Variants in GOLM2 observed in about 807,000 individuals in gnomAD.
GOLM2 encodes the protein protein GOLM2.
A neutral mutation model predicts 55.9 loss-of-function variants in GOLM2; 26 were observed. The observed-to-expected ratio is 0.47, with a 90% CI of 0.34 to 0.65. The LOEUF (loss-of-function observed/expected upper bound fraction) is 0.65. Ranked by LOEUF, GOLM2 falls within the 30% of genes least tolerant of loss-of-function variation. GOLM2 has a pLI of 0.01. For synonymous variants in GOLM2, 165 were observed against 194.6 expected (o/e 0.85, Z 1.27); for missense variants, 486 against 531.8 (o/e 0.91, Z 0.85).
intron 3 of GOLM2, 77 bp downstream of exon 3, chr15:44,328,864 C>T (rs2079002667): frequency 2.1e-6 from 2 of 951,572 alleles, no homozygotes; most frequent in South Asian, 2.1e-5. Context: ...ATTTCTTTCT[C>T]TCTGACTTTT....
In GOLM2 at chr15:44,381,149, C is replaced by T. The variant is rs151262761; in HGVS notation, c.1072+173C>T. On this transcript the variant is annotated intron_variant, in intron 8 of 9. Coordinates refer to ENST00000299957, the MANE Select transcript of GOLM2 (RefSeq NM_138423.4). The stretch of plus-strand genomic sequence containing the variant: ...AATACAGGTTTTAAATGGATAGATA[C>T]GATTTTAAAGAAAACTTTAAAAAGG... Among the ~76,000 whole-genome samples the T allele has an allele frequency of 7.0e-3, 1,058 of 152,070 alleles. 3 individuals are homozygous for T. The highest frequency in any genetic ancestry group is 7.4e-3 in the Non-Finnish European group (501 of 67,990).
chr15:44,375,016 A>T (rs1175418502), intron 6 of GOLM2, among the ~76,000 whole-genome samples: 2 of 151,912 alleles, frequency 1.3e-5, no homozygotes, highest in Non-Finnish European at 2.9e-5. Flanking sequence ...TTATTTATTT[A>T]TATTTATTTA....
In GOLM2 at chr15:44,337,921, T is replaced by G; in HGVS notation, c.721+14T>G. 1 of 1,575,064 alleles carries G rather than the reference T, an allele frequency of 6.3e-7. No homozygotes were observed. Among genetic ancestry groups the G allele is most frequent in the Non-Finnish European group, 8.6e-7 (1 of 1,167,962 alleles). On this transcript the variant is annotated intron_variant, in intron 5 of 9. Coordinates refer to ENST00000299957, the MANE Select transcript of GOLM2 (RefSeq NM_138423.4). ...CACATGGGAAAGGTATTATTGTTAT[T>G]ATTCTTTTGTTTTGTATTAATAGGA...
Position 44,323,129 on chromosome 15 carries a change from AACTC to A in GOLM2, c.382+111_382+114del, listed in dbSNP as rs560638175. 622 of 651,904 alleles carry A rather than the reference AACTC, an allele frequency of 9.5e-4. 3 individuals carry two copies. In the African/African-American group the frequency reaches 0.011, roughly 11 times the overall value. 40.4% of individuals were successfully genotyped at this position (651,904 alleles called of 1,614,324 possible). A position where few individuals can be genotyped will look rare whatever the true frequency, so the allele number is the denominator to read the frequency against. ...CTAGTGAAATACAATTTTCTGAACA[AACTC>A]CTCTGATGGTAAAACATTTATCCTT... On this transcript the variant is annotated intron_variant, in intron 2 of 9. Transcript: ENST00000299957.
chr15:44,359,677 A>G lies in GOLM2; in HGVS notation c.803-20013A>G, dbSNP rs370861658. Among the ~76,000 whole-genome samples, 761 of 152,312 alleles carry G rather than the reference A, an allele frequency of 5.0e-3. 15 individuals carry two copies. The highest frequency in any genetic ancestry group is 0.04 in the East Asian group (207 of 5,170). ...CCCCAATCTGGCAAGGCAGGCCAAC[A>G]TTCAGATTCAGGAAATACAGAGAAT... On this transcript the variant is annotated intron_variant, in intron 6 of 9. Coordinates refer to ENST00000299957, the MANE Select transcript of GOLM2 (RefSeq NM_138423.4).
chr15:44,292,161 G>T (rs755652804), intron 1 of GOLM2, among the ~76,000 whole-genome samples: 1 of 149,908 alleles, frequency 6.7e-6, no homozygotes, highest in African/African-American at 2.5e-5. Flanking sequence ...TGTCAGTTCT[G>T]TGTGTGTATA....
Position 44,289,785 on chromosome 15 carries a change from A to T in GOLM2, c.327+429A>T, listed in dbSNP as rs1469761229. ...TATTTAAAGAACGAAGCCGCCTCTG[A>T]CTCCTCTACTTATGGTAGTCATCAT... On this transcript the variant is annotated intron_variant, in intron 1 of 9. Coordinates refer to ENST00000299957, the MANE Select transcript of GOLM2 (RefSeq NM_138423.4). This position sits in a 1 kb window ranked among gnomAD's most constrained non-coding sequence, Gnocchi z 4.8. 2.0e-5 allele frequency among the ~76,000 whole-genome samples: 3 copies of T among 151,948 alleles called. No individual in the cohort carries two copies. The highest frequency in any genetic ancestry group is 4.4e-5 in the Non-Finnish European group (3 of 67,996).
chr15:44,380,421 G>C (rs2079393850), intron 7 of GOLM2, among the ~76,000 whole-genome samples: 1 of 152,130 alleles, frequency 6.6e-6, no homozygotes, highest in Non-Finnish European at 1.5e-5. Context: ...AGATGACTTA[G>C]AGAGTAGAAA....
chr15:44,376,745 C>T (rs1457771490), intron 6 of GOLM2, among the ~76,000 whole-genome samples: 1 of 152,074 alleles, frequency 6.6e-6, no homozygotes, highest in African/African-American at 2.4e-5. Flanking sequence ...TCGTTTGTTT[C>T]AGTACGACTA....
intron 4 of GOLM2, among the ~76,000 whole-genome samples, chr15:44,336,134 T>C (rs913903008): frequency 2.1e-5 from 3 of 140,350 alleles, no homozygotes; most frequent in Admixed American, 1.4e-4. Context: ...ACTTTTTCTA[T>C]TTAATGGAGT....
At chr15:44,379,381 G>A (rs935033391) in intron 6 of GOLM2, among the ~76,000 whole-genome samples, 14 of 152,082 alleles carry the variant, frequency 9.2e-5, no homozygotes, top group African/African-American at 3.4e-4. Flanking sequence ...GGAGGCTGAG[G>A]CAGGGAGAAT....
intron 8 of GOLM2, among the ~76,000 whole-genome samples, chr15:44,385,726 T>C (rs545556574): frequency 6.6e-6 from 1 of 152,148 alleles, no homozygotes; most frequent in Admixed American, 6.5e-5. Context: ...TATGTATTTA[T>C]TTTTTAGCTT....
intron 6 of GOLM2, among the ~76,000 whole-genome samples, chr15:44,379,275 G>C (rs1191828125): frequency 1.3e-5 from 2 of 152,044 alleles, no homozygotes; most frequent in African/African-American, 4.8e-5. Context: ...TCCAGGGTTC[G>C]AGACCAGCCT....
chr15:44,365,286 G>T (rs2079276133), intron 6 of GOLM2, among the ~76,000 whole-genome samples: 1 of 152,114 alleles, frequency 6.6e-6, no homozygotes, highest in Non-Finnish European at 1.5e-5. Flanking sequence ...CAGCACATTG[G>T]GAGGCCAAAG....
At chr15:44,367,211 CTT>C (rs757974081) in intron 6 of GOLM2, among the ~76,000 whole-genome samples, 4 of 130,484 alleles carry the variant, frequency 3.1e-5, no homozygotes, top group Non-Finnish European at 5.0e-5. Flanking sequence ...CTGTCTGGCC[CTT>C]TTTTTTTTTT....
At chr15:44,381,501 G>A (rs1476187363) in intron 8 of GOLM2, among the ~76,000 whole-genome samples, 3 of 152,170 alleles carry the variant, frequency 2.0e-5, no homozygotes, top group Non-Finnish European at 4.4e-5. Context: ...AGGCAGGAGA[G>A]TGTCCCTTAG....
chr15:44,310,657 A>G (rs1208812887), intron 1 of GOLM2, among the ~76,000 whole-genome samples: 1 of 151,768 alleles, frequency 6.6e-6, no homozygotes, highest in East Asian at 1.9e-4. Flanking sequence ...GTGAGCTATG[A>G]TTGTGCCACT....
intron 6 of GOLM2, among the ~76,000 whole-genome samples, chr15:44,338,696 A>T (rs1304272066): frequency 6.6e-6 from 1 of 152,216 alleles, no homozygotes; most frequent in Non-Finnish European, 1.5e-5. Flanking sequence ...TTAATATGGC[A>T]TAGTAATACC....
chr15:44,370,817 G>A lies in GOLM2; in HGVS notation c.803-8873G>A, dbSNP rs190381339. On this transcript the variant is annotated intron_variant, in intron 6 of 9. Coordinates refer to ENST00000299957, the MANE Select transcript of GOLM2 (RefSeq NM_138423.4). The stretch of plus-strand genomic sequence containing the variant: ...TGGGACTACAAGTGTGTGCCAGCAT[G>A]CCCACCTAATTTTTTTAATTTTTAG... Among the ~76,000 whole-genome samples, 6 of 152,064 alleles carry A rather than the reference G, an allele frequency of 3.9e-5. No homozygotes were observed. In the East Asian group the frequency reaches 1.2e-3, roughly 29 times the overall value.
Sources: gnomAD v4.1 joint callset for allele counts (sites outside exome capture counted in the v4.1 genomes callset) on GRCh38, gnomAD v4.1.1 for gene constraint, Gnocchi (gnomAD v3.1) non-coding constraint, MANE v1.5 for transcripts, NCBI Gene and HGNC (gene_info 2026-07-23, HGNC 2026-07-21) for gene names.